The following SH2D1A variants were observed in gnomAD, a reference collection of about 807,000 sequenced individuals.
SH2D1A encodes SH2 domain containing 1A.
A neutral mutation model predicts 10.1 loss-of-function variants in SH2D1A; 6 were observed. The observed-to-expected ratio is 0.60, with a 90% confidence interval of 0.33 to 1.18. SH2D1A has a LOEUF of 1.18. Ranked by LOEUF, SH2D1A falls within the 50% of genes most tolerant of loss-of-function variation. SH2D1A has a pLI of 0.04. For missense variants in SH2D1A, 51 were observed against 97.6 expected, an observed-to-expected ratio of 0.52 and a Z score of 2.01; for synonymous variants, 42 against 36.9, an observed-to-expected ratio of 1.14 and a Z score of -0.51.
At chrX:124,349,106 A>G (rs2147520735) in intron 1 of SH2D1A, among the ~76,000 whole-genome samples, 1 of 112,464 alleles carries the variant, frequency 8.9e-6, no homozygotes, top group African/African-American at 3.2e-5. Flanking sequence ...AATCTTGCAT[A>G]AATGCAGTTT....
chrX:124,366,876 AACACAC>A (rs59536671), intron 2 of SH2D1A, among the ~76,000 whole-genome samples: 7,153 of 86,944 alleles, frequency 0.082, 250 homozygotes, highest in African/African-American at 0.12. Context: ...TATACTGACA[AACACAC>A]ACACACACAC....
chrX:124,365,592 A>G (rs1387486643), intron 1 of SH2D1A, among the ~76,000 whole-genome samples, 169 bp from the exon 2 acceptor site: 1 of 111,691 alleles, frequency 9.0e-6, no homozygotes, highest in Non-Finnish European at 1.9e-5. Context: ...TTGGGCAGAT[A>G]CAATATGGAG....
intron 2 of SH2D1A, among the ~76,000 whole-genome samples, chrX:124,369,253 A>G (rs1451326754): frequency 9.0e-6 from 1 of 111,291 alleles, no homozygotes; most frequent in Non-Finnish European, 1.9e-5. Flanking sequence ...AAAAAAAACT[A>G]GTCATTGTTC....
At chrX:124,364,549 G>T (rs140519135) in intron 1 of SH2D1A, 275 of 184,862 alleles carry the variant, frequency 1.5e-3, no homozygotes, top group African/African-American at 8.4e-3. Context: ...CCGTCACCCA[G>T]GCTGGAGTGC....
At chrX:124,361,493 G>A (rs1834714234) in intron 1 of SH2D1A, among the ~76,000 whole-genome samples, 1 of 111,845 alleles carries the variant, frequency 8.9e-6, no homozygotes, top group African/African-American at 3.3e-5. Context: ...ATGTGGAAGT[G>A]GCCTTAGAAC....
rs1473264409 is a variant in SH2D1A, at chrX:124,346,604, C to T, written c.-39C>T. 2 of 1,208,794 alleles carry T rather than the reference C, an allele frequency of 1.7e-6. No individual in the cohort carries two copies. The highest frequency in any genetic ancestry group is 1.7e-5 in the African/African-American group (1 of 57,832). On this transcript the variant is annotated 5_prime_UTR_variant, in exon 1 of 4. Coordinates refer to ENST00000371139, the MANE Select transcript of SH2D1A (RefSeq NM_002351.5). ...CAGTAGCAGCGGCATCTCCCTTGCA[C>T]AGTTCTCCTCCTCGGCCTGCCCAAG...
chrX:124,351,043 A>C (rs1208933669), intron 1 of SH2D1A, among the ~76,000 whole-genome samples: 4 of 90,501 alleles, frequency 4.4e-5, no homozygotes, highest in African/African-American at 1.6e-4. Flanking sequence ...TATATATTTT[A>C]TATATATTAT....
Position 124,359,239 on chromosome X carries a change from A to T in SH2D1A, c.138-6522A>T, listed in dbSNP as rs778301231. Reference sequence around the variant, plus strand: ...TTAACTGAAAGTGAGATAAGATCAGATTCGTTAGGAAACAATTCTCAAAAC... The same window carrying T: ...TTAACTGAAAGTGAGATAAGATCAGTTTCGTTAGGAAACAATTCTCAAAAC... On this transcript the variant is annotated intron_variant, in intron 1 of 3. Coordinates refer to ENST00000371139, the MANE Select transcript of SH2D1A (RefSeq NM_002351.5). Among the ~76,000 whole-genome samples, 213 of 112,017 alleles carry T rather than the reference A, an allele frequency of 1.9e-3. 2 individuals are homozygous for T. Among genetic ancestry groups the T allele is most frequent in the African/African-American group, 6.2e-3 (192 of 30,870 alleles).
chrX:124,349,627 A>T (rs1360537139), intron 1 of SH2D1A, among the ~76,000 whole-genome samples: 1 of 111,334 alleles, frequency 9.0e-6, no homozygotes, highest in Non-Finnish European at 1.9e-5. Context: ...TAGAGATAAT[A>T]CATTTCATAT....
At chrX:124,369,183 A>G (rs1323493037) in intron 2 of SH2D1A, among the ~76,000 whole-genome samples, 1 of 111,447 alleles carries the variant, frequency 9.0e-6, no homozygotes, top group Non-Finnish European at 1.9e-5. Context: ...TAAATGCTAA[A>G]AAAACAAACA....
rs1232959010 is a variant in SH2D1A, at chrX:124,350,255, AT to A, written c.137+3477del. 1.9e-4 allele frequency among the ~76,000 whole-genome samples: 6 copies of A among 31,380 alleles called. 1 individual carries two copies. Among genetic ancestry groups the A allele is most frequent in the Non-Finnish European group, 2.4e-4 (5 of 20,916 alleles). The allele number at this position is 31,380 out of a possible 115,157, so 27.2% of individuals were successfully genotyped here. ...ATTATATAATATTATATAATATATA[AT>A]ATATAAATATATATTATATATAATA... On this transcript the variant is annotated intron_variant, in intron 1 of 3. Coordinates refer to ENST00000371139, the MANE Select transcript of SH2D1A (RefSeq NM_002351.5).
At chrX:124,364,373 AAAAC>A (rs1405977564) in intron 1 of SH2D1A, 2 of 261,349 alleles carry the variant, frequency 7.7e-6, no homozygotes, top group Non-Finnish European at 1.4e-5. Context: ...GATATAAAGA[AAAAC>A]AGTTTTGTAC....
At chrX:124,348,070 T>G (rs187795276) in intron 1 of SH2D1A, among the ~76,000 whole-genome samples, 2 of 112,091 alleles carry the variant, frequency 1.8e-5, no homozygotes, top group African/African-American at 6.5e-5. Context: ...CTGTATATTG[T>G]TTTTTAAAAA....
chrX:124,371,607 G>T lies in SH2D1A; in HGVS notation c.*216G>T. ...GGATTGGGAAAAAGTAATTCCGTAG[G>T]TTATTTTCAGTTATTATATTTACAA... On this transcript the variant is annotated 3_prime_UTR_variant, in exon 4 of 4. Transcript: ENST00000371139. 1 of 263,550 alleles carries T rather than the reference G, an allele frequency of 3.8e-6. No homozygotes were observed. The allele number at this position is 263,550 out of a possible 1,213,427, so 21.7% of individuals were successfully genotyped here.
chrX:124,368,277 A>C (rs959818502), intron 2 of SH2D1A, among the ~76,000 whole-genome samples: 1 of 110,697 alleles, frequency 9.0e-6, no homozygotes, highest in East Asian at 2.9e-4. Context: ...CAGCTTCCCA[A>C]GTAGCCGGGA....
intron 1 of SH2D1A, among the ~76,000 whole-genome samples, chrX:124,356,238 C>A (rs1003611365): frequency 1.8e-5 from 2 of 110,159 alleles, no homozygotes; most frequent in African/African-American, 3.3e-5. Context: ...TGAACTCATC[C>A]TTTTTTATGG....
At chrX:124,360,278 T>C (rs776772489) in intron 1 of SH2D1A, among the ~76,000 whole-genome samples, 1 of 107,789 alleles carries the variant, frequency 9.3e-6, no homozygotes. Flanking sequence ...GACACTCTGC[T>C]TGTAAACACA....
chrX:124,350,980 ATATAT>A (rs1240440935), intron 1 of SH2D1A, among the ~76,000 whole-genome samples: 5 of 40,735 alleles, frequency 1.2e-4, no homozygotes, highest in African/African-American at 2.9e-4. Flanking sequence ...ATAAGATATA[ATATAT>A]TATATATATA....
chrX:124,351,069 TTA>T (rs1169070316), intron 1 of SH2D1A, among the ~76,000 whole-genome samples: 1 of 92,722 alleles, frequency 1.1e-5, no homozygotes, highest in Non-Finnish European at 2.1e-5. Context: ...ATATATATTT[TTA>T]TATATATTAT....
Sources: gnomAD v4.1 joint callset for allele counts (sites outside exome capture counted in the v4.1 genomes callset) on GRCh38, gnomAD v4.1.1 for gene constraint, MANE v1.5 for transcripts, NCBI Gene and HGNC (gene_info 2026-07-23, HGNC 2026-07-21) for gene names.